Variants in LMO7 observed in about 807,000 individuals in gnomAD.
The protein encoded by LMO7 is LIM domain 7.
LMO7 carries 120 observed loss-of-function variants against 206.5 expected under a neutral mutation model. That is an observed-to-expected ratio of 0.58 (90% CI 0.50 to 0.68). The LOEUF is 0.68. LMO7 is among the 30% of genes least tolerant of loss of function. The pLI is 0.00. For synonymous variants in LMO7, 706 were observed against 681.5 expected, an observed-to-expected ratio of 1.04 and a Z score of -0.56; for missense variants, 1,959 against 1,957.9, an observed-to-expected ratio of 1.00 and a Z score of -0.01.
chr13:75,805,817 G>A (rs1478301882), intron 9 of LMO7, 57 bp downstream of exon 9: 2 of 1,522,710 alleles, frequency 1.3e-6, no homozygotes, highest in East Asian at 2.3e-5. Context: ...CCCAGCTGGG[G>A]TTCTATGTGC....
intron 4 of LMO7, among the ~76,000 whole-genome samples, chr13:75,785,195 T>C (rs912101338): frequency 3.9e-5 from 6 of 152,190 alleles, no homozygotes; most frequent in Non-Finnish European, 5.9e-5. Flanking sequence ...ATGATGAAGA[T>C]AACTTTTTGG....
Position 75,730,232 on chromosome 13 carries a change from T to A in LMO7, c.210+3134T>A, listed in dbSNP as rs1197132822. Among the ~76,000 whole-genome samples the A allele has an allele frequency of 4.1e-4, 62 of 152,182 alleles. 1 individual carries two copies. In the East Asian group the frequency reaches 0.011, roughly 27 times the overall value. On this transcript the variant is annotated intron_variant, in intron 3 of 30. Transcript: ENST00000377534. ...CAGTTCCTCCTTGTACCTCTGGTAG[T>A]ATTTGGCTGTGAATCCATCTGGTCC...
At chr13:75,725,408 C>G (rs1331917226) in intron 2 of LMO7, among the ~76,000 whole-genome samples, 1 of 152,110 alleles carries the variant, frequency 6.6e-6, no homozygotes, top group Non-Finnish European at 1.5e-5. Context: ...CTAGTGCTCA[C>G]AAACTGCAAA....
rs150540320 is a variant in LMO7, at chr13:75,662,208, A to G, written c.69+25482A>G. ...ATTCTTTTATTAAAAAATGAATATA[A>G]GCACACATTTTGCACATAATTTCAG... On this transcript the variant is annotated intron_variant, in intron 1 of 30. Transcript: ENST00000377534. Among the ~76,000 whole-genome samples the G allele has an allele frequency of 1.8e-3, 277 of 152,342 alleles. 2 individuals are homozygous for G. The highest frequency in any genetic ancestry group is 6.3e-3 in the African/African-American group (264 of 41,588).
upstream of LMO7, among the ~76,000 whole-genome samples, chr13:75,632,311 T>G (rs994460236): frequency 1.3e-5 from 2 of 152,306 alleles, no homozygotes; most frequent in Admixed American, 1.3e-4. Flanking sequence ...CAAGCAGTGA[T>G]TGGTGCCTGA....
intron 3 of LMO7, among the ~76,000 whole-genome samples, chr13:75,750,004 C>T (rs1000573593): frequency 1.3e-5 from 2 of 151,874 alleles, no homozygotes; most frequent in African/African-American, 4.8e-5. Context: ...TTATTATTAG[C>T]TATGCCATTA....
intron 12 of LMO7, among the ~76,000 whole-genome samples, chr13:75,818,628 G>A (rs531802016): frequency 5.3e-5 from 8 of 152,142 alleles, no homozygotes; most frequent in Non-Finnish European, 1.2e-4. Flanking sequence ...GGATATGGGG[G>A]ACAGGTGTTG....
chr13:75,699,638 C>T (rs938121470), intron 1 of LMO7, among the ~76,000 whole-genome samples: 6 of 151,972 alleles, frequency 3.9e-5, no homozygotes, highest in Admixed American at 6.6e-5. Flanking sequence ...ACGAATAGGG[C>T]GTGGGTCACA....
intron 3 of LMO7, among the ~76,000 whole-genome samples, chr13:75,755,169 C>T (rs1266405679): frequency 3.3e-5 from 5 of 152,112 alleles, no homozygotes; most frequent in African/African-American, 1.2e-4. Context: ...CTTTCAGATT[C>T]TGGGTGGTCC....
At chr13:75,837,140 G>A (rs1317405115) in intron 19 of LMO7, among the ~76,000 whole-genome samples, 1 of 152,064 alleles carries the variant, frequency 6.6e-6, no homozygotes, top group Non-Finnish European at 1.5e-5. Context: ...CAGTGCTTTG[G>A]TGGCTTTAAA....
At chr13:75,688,555 A>G (rs2041205530) in intron 1 of LMO7, 1 of 152,350 alleles carries the variant, frequency 6.6e-6, no homozygotes, top group Non-Finnish European at 1.5e-5. Flanking sequence ...GCCAAGATAT[A>G]TATATCCCAT....
chr13:75,733,436 TGG>T (rs1430157333), intron 3 of LMO7, among the ~76,000 whole-genome samples: 1 of 152,310 alleles, frequency 6.6e-6, no homozygotes, highest in East Asian at 1.9e-4. Context: ...GAGCCAGGTG[TGG>T]GATATAATCT....
chr13:75,848,228 C>T (rs1050101617), intron 26 of LMO7, among the ~76,000 whole-genome samples: 1 of 152,130 alleles, frequency 6.6e-6, no homozygotes, highest in South Asian at 2.1e-4. Context: ...CCACCCTTTC[C>T]TGCTGAGTCC....
At chr13:75,849,487 G>GT (rs535615164) in intron 27 of LMO7, among the ~76,000 whole-genome samples, 195 bp downstream of exon 27, 1,521 of 141,830 alleles carry the variant, frequency 0.011, 19 homozygotes, top group African/African-American at 0.028. Flanking sequence ...AATTCTGGCT[G>GT]TTTTTTTTTT....
intron 1 of LMO7, among the ~76,000 whole-genome samples, chr13:75,662,983 A>C (rs2038743680): frequency 6.6e-6 from 1 of 152,178 alleles, no homozygotes. Context: ...ATATGAGGAA[A>C]CGAAAGCCCA....
In LMO7 at chr13:75,842,837, T is replaced by C; in HGVS notation, c.4032-14T>C. On this transcript the variant is annotated splice_polypyrimidine_tract_variant and intron_variant, in intron 24 of 30. Coordinates refer to ENST00000377534, the MANE Select transcript of LMO7 (RefSeq NM_001306080.2). ...TCTAATATTTTGACAACAAAATCTT[T>C]TTCTATCTTTTAGGCCTGTTGATTC... 1 of 1,562,120 alleles carries C rather than the reference T, an allele frequency of 6.4e-7. No homozygotes were observed. Among genetic ancestry groups the C allele is most frequent in the Non-Finnish European group, 8.8e-7 (1 of 1,135,848 alleles).
At chr13:75,733,705 C>T (rs903116192) in intron 3 of LMO7, among the ~76,000 whole-genome samples, 84 of 152,336 alleles carry the variant, frequency 5.5e-4, no homozygotes, top group African/African-American at 2.0e-3. Context: ...GCAGACATCA[C>T]CCGTCTTCTG....
intron 26 of LMO7, 89 bp downstream of exon 26, chr13:75,845,468 C>A: frequency 1.3e-6 from 1 of 748,598 alleles, no homozygotes; most frequent in Non-Finnish European, 2.3e-6. Flanking sequence ...CAAGATATTT[C>A]AGATTCATTA....
chr13:75,749,256 T>C (rs1035179266), intron 3 of LMO7, among the ~76,000 whole-genome samples: 7 of 152,224 alleles, frequency 4.6e-5, no homozygotes, highest in Non-Finnish European at 7.3e-5. Flanking sequence ...GTGTTCCTTG[T>C]TAAATACGTG....
Sources: allele counts gnomAD v4.1 joint callset (sites outside exome capture counted in the v4.1 genomes callset), GRCh38; gene constraint gnomAD v4.1.1; transcripts MANE v1.5; gene names NCBI Gene and HGNC (gene_info 2026-07-23, HGNC 2026-07-21).